SRD5A1: variants seen among roughly 807,000 people sequenced by gnomAD.
The protein encoded by SRD5A1 is steroid 5 alpha-reductase 1, also known as 3-oxo-5-alpha-steroid 4-dehydrogenase 1.
A neutral mutation model predicts 28.2 loss-of-function variants in SRD5A1; 22 were observed. The observed-to-expected ratio is 0.78, with a 90% CI of 0.56 to 1.12. The LOEUF (loss-of-function observed/expected upper bound fraction) is 1.12. Among genes scored for constraint, SRD5A1 ranks in the 50% most tolerant of loss-of-function variants. The pLI is 0.00. For synonymous variants in SRD5A1, 151 were observed against 135.0 expected (o/e 1.12, Z -0.82); for missense variants, 300 against 346.7 (o/e 0.87, Z 1.07).
At chr5:6,653,824 C>T (rs1158176183) in intron 2 of SRD5A1, among the ~76,000 whole-genome samples, 1 of 152,128 alleles carries the variant, frequency 6.6e-6, no homozygotes, top group Non-Finnish European at 1.5e-5. Flanking sequence ...TGAAGCTGGT[C>T]AGAGATTCCA....
At chr5:6,667,481 C>A (rs1367615371) in intron 4 of SRD5A1, among the ~76,000 whole-genome samples, 2 of 152,104 alleles carry the variant, frequency 1.3e-5, no homozygotes, top group Non-Finnish European at 2.9e-5. Context: ...GATTTTTAGT[C>A]TGTTGTTTAA....
At chr5:6,645,085 A>C in intron 1 of SRD5A1, 1 of 431,450 alleles carries the variant, frequency 2.3e-6, no homozygotes, top group Non-Finnish European at 4.7e-6. Context: ...TGAGATGAGA[A>C]CCTTGGAGGC....
intron 4 of SRD5A1, among the ~76,000 whole-genome samples, chr5:6,664,849 G>T (rs1008909955): frequency 6.6e-6 from 1 of 152,244 alleles, no homozygotes; most frequent in Non-Finnish European, 1.5e-5. Flanking sequence ...AGAGAGCCAC[G>T]ACCTACCTAA....
chr5:6,653,553 A>C (rs1738748638), intron 2 of SRD5A1: 1 of 152,248 alleles, frequency 6.6e-6, no homozygotes, highest in East Asian at 1.9e-4. Flanking sequence ...CAGAAGAGTT[A>C]CACAGCTGGC....
At chr5:6,660,277 T>C (rs368230281) in intron 3 of SRD5A1, among the ~76,000 whole-genome samples, 3 of 152,324 alleles carry the variant, frequency 2.0e-5, no homozygotes, top group East Asian at 3.9e-4. Flanking sequence ...ATTCCATGCT[T>C]ACCAGTCCAC....
intron 1 of SRD5A1, among the ~76,000 whole-genome samples, chr5:6,635,145 GCA>G (rs1298969158): frequency 6.6e-6 from 1 of 152,196 alleles, no homozygotes; most frequent in Non-Finnish European, 1.5e-5. Flanking sequence ...GTTGTACCCA[GCA>G]CAGTTTTTGG....
chr5:6,666,363 T>C (rs186824807), intron 4 of SRD5A1, among the ~76,000 whole-genome samples: 1 of 152,290 alleles, frequency 6.6e-6, no homozygotes, highest in Non-Finnish European at 1.5e-5. Context: ...TCAGCCAGGA[T>C]GGTCTTGATC....
intron 3 of SRD5A1, among the ~76,000 whole-genome samples, chr5:6,661,439 T>C (rs535241541): frequency 4.0e-5 from 6 of 150,482 alleles, no homozygotes; most frequent in Non-Finnish European, 8.9e-5. Flanking sequence ...TGCATGCATG[T>C]AAGTTGCAGT....
At chr5:6,656,951 C>T (rs1214310727) in intron 3 of SRD5A1, among the ~76,000 whole-genome samples, 1 of 152,132 alleles carries the variant, frequency 6.6e-6, no homozygotes, top group African/African-American at 2.4e-5. Context: ...TTAATGGAAA[C>T]ATTATAAAGT....
chr5:6,645,015 T>A (rs1367490224), intron 1 of SRD5A1: 1 of 455,856 alleles, frequency 2.2e-6, no homozygotes, highest in East Asian at 7.0e-5. Flanking sequence ...GCACACTTAC[T>A]GGCCAACACG....
rs961699622 is a variant in SRD5A1 at position 6,670,971 on chromosome 5, G to A, written c.*2703G>A. 5 of 152,294 alleles carry A rather than the reference G, an allele frequency of 3.3e-5. No homozygotes were observed. Among genetic ancestry groups the A allele is most frequent in the East Asian group, 1.9e-4 (1 of 5,178 alleles). The allele number at this position is 152,294 out of a possible 1,614,324, so 9.4% of individuals were successfully genotyped here. A position where few individuals can be genotyped will look rare whatever the true frequency, so the allele number is the denominator to read the frequency against. On this transcript the variant is annotated 3_prime_UTR_variant, in exon 5 of 5. Coordinates refer to ENST00000274192, the MANE Select transcript of SRD5A1 (RefSeq NM_001047.4). ...GAATTGTGCTGCTATAAACATGTGC[G>A]TGCAAGTATCTTTTTTTGAATAATG...
chr5:6,645,184 C>G (rs554086581), intron 1 of SRD5A1: 1 of 359,890 alleles, frequency 2.8e-6, no homozygotes, highest in South Asian at 2.1e-5. Flanking sequence ...CAGCATGACA[C>G]TACTATTATG....
intron 1 of SRD5A1, 49 bp from the exon 2 acceptor site, chr5:6,651,793 G>C: frequency 6.6e-7 from 1 of 1,519,236 alleles, no homozygotes; most frequent in East Asian, 2.3e-5. Context: ...TTACAGAAAT[G>C]ATTATCTTTA....
intron 1 of SRD5A1, among the ~76,000 whole-genome samples, chr5:6,651,552 C>T (rs919200156): frequency 2.6e-5 from 4 of 151,998 alleles, no homozygotes; most frequent in East Asian, 1.9e-4. Flanking sequence ...CCCAGCTACT[C>T]GAGAGGCTGG....
rs1739304524 is a variant in SRD5A1, at chr5:6,669,602, A to T, written c.*1334A>T. Reference sequence around the variant, plus strand: ...TTCTTTTACTAATTGTTACATCGAAACATTCTTTCATCATATTTCCTGTTT... The same window carrying T: ...TTCTTTTACTAATTGTTACATCGAATCATTCTTTCATCATATTTCCTGTTT... On this transcript the variant is annotated 3_prime_UTR_variant, in exon 5 of 5. Coordinates refer to ENST00000274192, the MANE Select transcript of SRD5A1 (RefSeq NM_001047.4). 1 of 152,210 alleles carries T rather than the reference A, an allele frequency of 6.6e-6. No homozygotes were observed. The allele number at this position is 152,210 out of a possible 1,614,324, so 9.4% of individuals were successfully genotyped here.
chr5:6,633,507 C>G lies in SRD5A1; in HGVS notation c.-70C>G. On this transcript the variant is annotated 5_prime_UTR_variant, in exon 1 of 5. Transcript: ENST00000274192. ...CCCTCCGGTAGCCGCCCCTCCTGCC[C>G]CCGCGCCGCCGCCCTATATGTTGCC... The G allele has an allele frequency of 1.4e-6, 2 of 1,388,190 alleles. No individual in the cohort carries two copies. The highest frequency in any genetic ancestry group is 1.9e-6 in the Non-Finnish European group (2 of 1,078,938). 86.0% of individuals were successfully genotyped at this position (1,388,190 alleles called of 1,614,324 possible). A position where few individuals can be genotyped will look rare whatever the true frequency, so the allele number is the denominator to read the frequency against.
intron 4 of SRD5A1, among the ~76,000 whole-genome samples, chr5:6,666,395 G>A (rs191234352): frequency 3.3e-5 from 5 of 152,206 alleles, no homozygotes; most frequent in Middle Eastern, 3.4e-3. Context: ...TGATTTGCCC[G>A]CCTCAGCCTC....
At chr5:6,658,818 A>T (rs1014510129) in intron 3 of SRD5A1, among the ~76,000 whole-genome samples, 1 of 152,122 alleles carries the variant, frequency 6.6e-6, no homozygotes, top group Admixed American at 6.5e-5. Flanking sequence ...AAAGCAAAGA[A>T]TATGAAACCT....
intron 1 of SRD5A1, among the ~76,000 whole-genome samples, chr5:6,638,177 A>G (rs1738253904): frequency 6.6e-6 from 1 of 152,202 alleles, no homozygotes; most frequent in Admixed American, 6.5e-5. Context: ...TGTCTCTACT[A>G]AAAATACAAA....
Sources: allele counts gnomAD v4.1 joint callset (sites outside exome capture counted in the v4.1 genomes callset), GRCh38; gene constraint gnomAD v4.1.1; transcripts MANE v1.5; gene names NCBI Gene and HGNC (gene_info 2026-07-23, HGNC 2026-07-21).